The following FOSB variants were observed in gnomAD, a reference collection of about 807,000 sequenced individuals.
FOSB encodes the protein protein FosB.
FOSB carries 8 observed loss-of-function variants against 31.1 expected under a neutral mutation model. The ratio of observed to expected loss-of-function variants is 0.26; its 90% CI spans 0.15 to 0.46. FOSB has a LOEUF of 0.46. Among genes scored for constraint, FOSB ranks in the 20% least tolerant of loss-of-function variants. The pLI, the probability that FOSB is intolerant of heterozygous loss-of-function variation, is 0.99. For synonymous variants in FOSB, 214 were observed against 206.1 expected (o/e 1.04, Z -0.33); for missense variants, 376 against 460.6 (o/e 0.82, Z 1.68).
At position 45,474,049 on chromosome 19, in the gene FOSB, G is replaced by C. The variant is rs1444079168; in HGVS notation, c.*1037G>C. On this transcript the variant is annotated 3_prime_UTR_variant, in exon 4 of 4. Transcript: ENST00000353609. ...TCAACAGTGAGTTAGACTCAAGGGG[G>C]TGACAGAACCGAGAAGGGGGTGACA... is the stretch of plus-strand genomic sequence containing the variant. The C allele has an allele frequency of 6.6e-6, 1 of 152,426 alleles. No individual in the cohort carries two copies. Among genetic ancestry groups the C allele is most frequent in the Non-Finnish European group, 1.5e-5 (1 of 68,300 alleles). 9.4% of individuals were successfully genotyped at this position (152,426 alleles called of 1,614,324 possible).
In FOSB at chr19:45,468,685, C is replaced by T. The variant is rs1301334764; in HGVS notation, c.99C>T (p.Gly33=). ...SQYLSSVDSF[G]SPPTAAASQE... ...ATCTGTCTTCGGTGGACTCCTTCGG[C>T]AGTCCACCCACCGCCGCCGCCTCCC... The change falls in exon 1 of 4, where the codon GGC becomes GGT. Residue 33 remains glycine (G), a synonymous_variant. Coordinates refer to ENST00000353609, the MANE Select transcript of FOSB (RefSeq NM_006732.3). This position sits in a 1 kb window ranked among gnomAD's most constrained non-coding sequence, Gnocchi z 4.8. 1 of 1,610,930 alleles carries T rather than the reference C, an allele frequency of 6.2e-7. No homozygotes were observed. Among genetic ancestry groups the T allele is most frequent in the Non-Finnish European group, 8.5e-7 (1 of 1,179,070 alleles).
Position 45,470,649 on chromosome 19 carries a change from A to G in FOSB, c.147A>G (p.Glu49=). Residue 49 remains glutamate (E), a synonymous_variant, in exon 2 of 4, where the codon GAA becomes GAG. Coordinates refer to ENST00000353609, the MANE Select transcript of FOSB (RefSeq NM_006732.3). The part of the protein sequence containing the change: ...AASQECAGLG[E]MPGSFVPTVT... Reference sequence around the variant, plus strand: ...CGTAGGAGTGCGCCGGTCTCGGGGAAATGCCCGGTTCCTTCGTGCCCACGG... The same window carrying G: ...CGTAGGAGTGCGCCGGTCTCGGGGAGATGCCCGGTTCCTTCGTGCCCACGG... 6.2e-7 allele frequency: 1 copy of G among 1,610,358 alleles called. No individual in the cohort carries two copies. Among genetic ancestry groups the G allele is most frequent in the Non-Finnish European group, 8.5e-7 (1 of 1,178,588 alleles).
chr19:45,471,351 C>T, intron 3 of FOSB, 50 bp downstream of exon 3: 2 of 1,300,490 alleles, frequency 1.5e-6, no homozygotes, highest in South Asian at 2.5e-5. Context: ...GGAGCTCTCT[C>T]CCCATTCTCT....
rs775295136 is a variant in FOSB, at chr19:45,470,673, G to A, written c.171G>A (p.Thr57=). 7 of 1,612,582 alleles carry A rather than the reference G, an allele frequency of 4.3e-6. No individual in the cohort carries two copies. The highest frequency in any genetic ancestry group is 4.5e-5 in the East Asian group (2 of 44,866). Residue 57 remains threonine (T), a synonymous_variant, in exon 2 of 4, where the codon ACG becomes ACA. Coordinates refer to ENST00000353609, the MANE Select transcript of FOSB (RefSeq NM_006732.3). ...LGEMPGSFVP[T]VTAITTSQDL... is the part of the protein sequence containing the mutation. ...AAATGCCCGGTTCCTTCGTGCCCAC[G>A]GTCACCGCGATCACAACCAGCCAGG... is the stretch of plus-strand genomic sequence containing the variant.
At position 45,472,865 on chromosome 19, in the gene FOSB, C is replaced by A; in HGVS notation, c.870C>A (p.Gly290=). ...CACACAGTGAAGTTCAAGTCCTCGG[C>A]GACCCCTTCCCCGTTGTTAACCCTT... ...LFTHSEVQVL[G]DPFPVVNPSY... The change falls in exon 4 of 4, where the codon GGC becomes GGA. Residue 290 remains glycine (G), a synonymous_variant. Coordinates refer to ENST00000353609, the MANE Select transcript of FOSB (RefSeq NM_006732.3). The surrounding 1 kb of genome is among the most constrained non-coding windows in gnomAD (Gnocchi z 5.4). 6.2e-7 allele frequency: 1 copy of A among 1,614,166 alleles called. No individual in the cohort carries two copies. Among genetic ancestry groups the A allele is most frequent in the Non-Finnish European group, 8.5e-7 (1 of 1,180,034 alleles).
At position 45,468,775 on chromosome 19, in the gene FOSB, GAATA is replaced by G; in HGVS notation, c.126+66_126+69del. The G allele has an allele frequency of 6.6e-7, 1 of 1,507,792 alleles. No homozygotes were observed. The highest frequency in any genetic ancestry group is 8.9e-7 in the Non-Finnish European group (1 of 1,126,618). The allele number at this position is 1,507,792 out of a possible 1,614,324, so 93.4% of individuals were successfully genotyped here. A position where few individuals can be genotyped will look rare whatever the true frequency, so the allele number is the denominator to read the frequency against. ...TTATTTTTTAAGTCAAGGGTGAAAA[GAATA>G]AACCCCAACCCCCACAAAAAGGCGC... On this transcript the variant is annotated intron_variant, in intron 1 of 3. Coordinates refer to ENST00000353609, the MANE Select transcript of FOSB (RefSeq NM_006732.3). The surrounding 1 kb of genome is among the most constrained non-coding windows in gnomAD (Gnocchi z 4.8).
At chr19:45,469,458 T>TC (rs551580118) in intron 1 of FOSB, among the ~76,000 whole-genome samples, 371 of 152,140 alleles carry the variant, frequency 2.4e-3, no homozygotes, top group Non-Finnish European at 4.2e-3. Context: ...GCATTTTCCT[T>TC]CCCCCCTCTC....
chr19:45,470,529 C>A, intron 1 of FOSB, 100 bp from the exon 2 acceptor site: 1 of 1,208,654 alleles, frequency 8.3e-7, no homozygotes, highest in Non-Finnish European at 1.2e-6. Flanking sequence ...TCACCCTGTG[C>A]TCACTCACGG....
intron 1 of FOSB, chr19:45,470,361 G>A: frequency 2.1e-6 from 1 of 484,392 alleles, no homozygotes. Context: ...CCCGGGGTGT[G>A]ATTCACCACC....
At position 45,468,813 on chromosome 19, in the gene FOSB, C is replaced by T; in HGVS notation, c.126+101C>T. 7.9e-7 allele frequency: 1 copy of T among 1,258,534 alleles called. No homozygotes were observed. Among genetic ancestry groups the T allele is most frequent in the Non-Finnish European group, 1.1e-6 (1 of 932,390 alleles). The allele number at this position is 1,258,534 out of a possible 1,614,324, so 78.0% of individuals were successfully genotyped here. A position where few individuals can be genotyped will look rare whatever the true frequency, so the allele number is the denominator to read the frequency against. On this transcript the variant is annotated intron_variant, in intron 1 of 3. Transcript: ENST00000353609. This position sits in a 1 kb window ranked among gnomAD's most constrained non-coding sequence, Gnocchi z 4.8. ...CCCCCACAAAAAGGCGCATCAGAAC[C>T]CTAGATCTGAGATGGAAAAGGCTCA...
Position 45,472,681 on chromosome 19 carries a change from G to C in FOSB, c.686G>C (p.Gly229Ala). 1 of 1,607,070 alleles carries C rather than the reference G, an allele frequency of 6.2e-7. No homozygotes were observed. Among genetic ancestry groups the C allele is most frequent in the Non-Finnish European group, 8.5e-7 (1 of 1,176,676 alleles). ...GGCTGCAAGATCCCCTACGAAGAGGGGCCCGGGCCGGGCCCGCTGGCGGAG... is the reference window on the plus strand; with the variant it reads ...GGCTGCAAGATCCCCTACGAAGAGGCGCCCGGGCCGGGCCCGCTGGCGGAG... The part of the protein sequence containing the change: ...KPGCKIPYEE[G>A]PGPGPLAEVR... The change falls in exon 4 of 4, where the codon GGG (glycine) becomes GCG (alanine). Residue 229 changes from glycine to alanine, a missense_variant. Transcript: ENST00000353609. The surrounding 1 kb of genome is among the most constrained non-coding windows in gnomAD (Gnocchi z 5.4).
At position 45,470,958 on chromosome 19, in the gene FOSB, G is replaced by A; in HGVS notation, c.447+9G>A. On this transcript the variant is annotated intron_variant, in intron 2 of 3. Transcript: ENST00000353609. ...GACCCCGAGAGGAGACGGTGAGTAA[G>A]GGACATCAGAACTTGGCCTGGGTAG... is the stretch of plus-strand genomic sequence containing the variant. 1 of 1,609,572 alleles carries A rather than the reference G, an allele frequency of 6.2e-7. No individual in the cohort carries two copies. The highest frequency in any genetic ancestry group is 8.5e-7 in the Non-Finnish European group (1 of 1,179,878).
intron 2 of FOSB, 65 bp downstream of exon 2, chr19:45,471,014 T>A (rs766364504): frequency 6.6e-7 from 1 of 1,524,542 alleles, no homozygotes; most frequent in Non-Finnish European, 9.0e-7. Flanking sequence ...AAGTTTCTTA[T>A]GAATGGAGGG....
At position 45,475,061 on chromosome 19, in the gene FOSB, T is replaced by C. The variant is rs1308533094; in HGVS notation, c.*2049T>C. On this transcript the variant is annotated 3_prime_UTR_variant, in exon 4 of 4. Transcript: ENST00000353609. Reference sequence around the variant, plus strand: ...CCGACCCCCCTACCCCATGCTGTACTTGTGGTTCTCTTTTTGTATTTTGCA... The same window carrying C: ...CCGACCCCCCTACCCCATGCTGTACCTGTGGTTCTCTTTTTGTATTTTGCA... 1 of 152,524 alleles carries C rather than the reference T, an allele frequency of 6.6e-6. No individual in the cohort carries two copies. Among genetic ancestry groups the C allele is most frequent in the African/African-American group, 2.4e-5 (1 of 41,424 alleles). 9.4% of individuals were successfully genotyped at this position (152,524 alleles called of 1,614,324 possible).
At chr19:45,471,540 C>T (rs2122155999) in intron 3 of FOSB, 1 of 347,158 alleles carries the variant, frequency 2.9e-6, no homozygotes, top group South Asian at 5.5e-5. Flanking sequence ...TCCTAGCCTT[C>T]ATTTCATCCC....
In FOSB at chr19:45,473,701, A is replaced by G. The variant is rs1215267510; in HGVS notation, c.*689A>G. ...ACTGTCTAGCCACTCCCTCCCAGAA[A>G]AACTGGCTCTGATTGGAATTTCTGG... On this transcript the variant is annotated 3_prime_UTR_variant, in exon 4 of 4. Coordinates refer to ENST00000353609, the MANE Select transcript of FOSB (RefSeq NM_006732.3). The G allele has an allele frequency of 6.7e-6, 1 of 148,380 alleles. No individual in the cohort carries two copies. Among genetic ancestry groups the G allele is most frequent in the Non-Finnish European group, 1.5e-5 (1 of 67,548 alleles). The allele number at this position is 148,380 out of a possible 1,614,324, so 9.2% of individuals were successfully genotyped here.
chr19:45,470,476 G>A, intron 1 of FOSB, 153 bp from the exon 2 acceptor site: 1 of 710,478 alleles, frequency 1.4e-6, no homozygotes, highest in Non-Finnish European at 2.4e-6. Flanking sequence ...TGGAAGGGTG[G>A]GTGTTGTGGC....
intron 3 of FOSB, chr19:45,471,532 C>A: frequency 2.7e-6 from 1 of 366,696 alleles, no homozygotes. Context: ...GACTACTCTC[C>A]TAGCCTTCAT....
In FOSB at chr19:45,473,222, G is replaced by T; in HGVS notation, c.*210G>T. On this transcript the variant is annotated 3_prime_UTR_variant, in exon 4 of 4. Transcript: ENST00000353609. ...GTCCTGCCTCTTGTTTCTGTGCCCCGGCGAGGCCGGAGAGCTGGTGACTTT... is the reference window on the plus strand; with the variant it reads ...GTCCTGCCTCTTGTTTCTGTGCCCCTGCGAGGCCGGAGAGCTGGTGACTTT... 1.7e-6 allele frequency: 1 copy of T among 575,314 alleles called. No individual in the cohort carries two copies. The highest frequency in any genetic ancestry group is 3.0e-6 in the Non-Finnish European group (1 of 328,298). 35.6% of individuals were successfully genotyped at this position (575,314 alleles called of 1,614,324 possible).
Sources: gnomAD v4.1 joint callset for allele counts (sites outside exome capture counted in the v4.1 genomes callset) on GRCh38, gnomAD v4.1.1 for gene constraint, Gnocchi (gnomAD v3.1) non-coding constraint, MANE v1.5 for transcripts, NCBI Gene and HGNC (gene_info 2026-07-23, HGNC 2026-07-21) for gene names.